RGS6: variants seen among roughly 807,000 people sequenced by gnomAD.
RGS6 encodes regulator of G protein signaling 6.
Under a neutral mutation model 78.5 loss-of-function variants are expected in RGS6, and 30 were observed. The observed-to-expected ratio is 0.38, with a 90% CI of 0.29 to 0.52. RGS6 has a LOEUF of 0.52. Ranked by LOEUF, RGS6 falls within the 20% of genes least tolerant of loss-of-function variation. The pLI, the probability that RGS6 is intolerant of heterozygous loss-of-function variation, is 0.85. For missense variants in RGS6, 495 were observed against 609.7 expected (o/e 0.81, Z 1.98); for synonymous variants, 206 against 206.0 (o/e 1.00, Z 0.00).
intron 2 of RGS6, among the ~76,000 whole-genome samples, chr14:72,218,999 G>A (rs1239734301): frequency 6.6e-6 from 1 of 151,576 alleles, no homozygotes; most frequent in African/African-American, 2.4e-5. Flanking sequence ...TCTAACACAT[G>A]GACTTTCTCT....
chr14:72,218,849 A>T (rs1003579174), intron 2 of RGS6, among the ~76,000 whole-genome samples: 2 of 151,960 alleles, frequency 1.3e-5, no homozygotes, highest in Admixed American at 1.3e-4. Context: ...TGACCTCATG[A>T]TCCACCCACC....
At chr14:71,883,014 A>G in the RGS6 span, among the ~76,000 whole-genome samples, 4 of 152,160 alleles carry the variant, frequency 2.6e-5, no homozygotes, top group African/African-American at 9.7e-5. Context: ...TTGACTTCCT[A>G]GAGAGGCTGA....
At chr14:72,402,718 A>G (rs1252929685) in intron 3 of RGS6, among the ~76,000 whole-genome samples, 5 of 151,958 alleles carry the variant, frequency 3.3e-5, no homozygotes, top group Admixed American at 3.3e-4. Flanking sequence ...ACTAAAATAG[A>G]ACTACCATAC....
intron 3 of RGS6, among the ~76,000 whole-genome samples, chr14:72,402,059 G>A (rs2092457831): frequency 6.6e-6 from 1 of 152,218 alleles, no homozygotes; most frequent in African/African-American, 2.4e-5. Flanking sequence ...TCTCAATGGT[G>A]GAGCCCAGCC....
chr14:71,989,148 C>T (rs971697022), intron 2 of RGS6, among the ~76,000 whole-genome samples: 5 of 152,204 alleles, frequency 3.3e-5, no homozygotes, highest in Admixed American at 2.6e-4. Flanking sequence ...GCTTTGGGCA[C>T]GTGAATTGCT....
chr14:72,324,586 A>G (rs1567756723), intron 2 of RGS6, among the ~76,000 whole-genome samples: 2 of 151,828 alleles, frequency 1.3e-5, no homozygotes, highest in African/African-American at 2.4e-5. Flanking sequence ...ATTCCCACCT[A>G]TGAGTGAGAA....
At chr14:72,257,192 G>A (rs1198440936) in intron 2 of RGS6, among the ~76,000 whole-genome samples, 2 of 152,146 alleles carry the variant, frequency 1.3e-5, no homozygotes, top group African/African-American at 4.8e-5. Flanking sequence ...AAGAAGAGTA[G>A]TTTTTGAGCC....
At chr14:72,182,089 T>A (rs1360137758) in intron 2 of RGS6, among the ~76,000 whole-genome samples, 2 of 152,186 alleles carry the variant, frequency 1.3e-5, no homozygotes, top group African/African-American at 4.8e-5. Context: ...GGTGTGAGGT[T>A]TTTTTTCTCA....
intron 2 of RGS6, among the ~76,000 whole-genome samples, chr14:72,062,908 C>T (rs2093962908): frequency 6.6e-6 from 1 of 152,108 alleles, no homozygotes; most frequent in Admixed American, 6.5e-5. Context: ...CTCACTGCAC[C>T]CTCTGCCACC....
At position 72,516,552 on chromosome 14, in the gene RGS6, A is replaced by G. The variant is rs565507922; in HGVS notation, c.1092-1799A>G. ...GGAAGGGCAGGGGACACCAGATGGCAGCAGCAAGAGCTGGGCGGCAGCATC... is the reference window on the plus strand; with the variant it reads ...GGAAGGGCAGGGGACACCAGATGGCGGCAGCAAGAGCTGGGCGGCAGCATC... On this transcript the variant is annotated intron_variant, in intron 14 of 17. Coordinates refer to ENST00000553525, the MANE Select transcript of RGS6 (RefSeq NM_001204424.2). Among the ~76,000 whole-genome samples the G allele has an allele frequency of 1.7e-4, 26 of 152,346 alleles. No individual in the cohort carries two copies. In the South Asian group the frequency reaches 5.2e-3, roughly 30 times the overall value.
At chr14:72,473,176 GCTCA>G in intron 9 of RGS6, among the ~76,000 whole-genome samples, 1 of 152,224 alleles carries the variant, frequency 6.6e-6, no homozygotes, top group East Asian at 1.9e-4. Flanking sequence ...GGGCATGGCG[GCTCA>G]CGCCTGTAAT....
intron 13 of RGS6, among the ~76,000 whole-genome samples, chr14:72,496,654 A>G (rs1016219710): frequency 1.3e-5 from 2 of 152,230 alleles, no homozygotes; most frequent in African/African-American, 2.4e-5. Context: ...GATTGGTCCT[A>G]GCCATAATAA....
In RGS6 at chr14:72,152,831, C is replaced by T. The variant is rs115970985; in HGVS notation, c.84+187956C>T. Among the ~76,000 whole-genome samples the T allele has an allele frequency of 2.6e-3, 393 of 151,998 alleles. 3 individuals carry two copies. The highest frequency in any genetic ancestry group is 9.1e-3 in the African/African-American group (377 of 41,442). On this transcript the variant is annotated intron_variant, in intron 2 of 17. Transcript: ENST00000553525. ...AGCTAACATCTGGGTCCTTGTCACA[C>T]GGCTATGAAATATTAGGCTTACAGA...
chr14:71,989,493 G>A (rs2094864259), intron 2 of RGS6, among the ~76,000 whole-genome samples: 1 of 152,242 alleles, frequency 6.6e-6, no homozygotes, highest in Non-Finnish European at 1.5e-5. Flanking sequence ...CATCCTGCAT[G>A]TTATATTTGT....
At position 72,292,611 on chromosome 14, in the gene RGS6, G is replaced by T. The variant is rs148092358; in HGVS notation, c.85-59484G>T. ...CCCTCTACTGGGTATTTTCAAAACTGCAGGGTTCTGCAGGCCTGACCTGCT... is the reference window on the plus strand; with the variant it reads ...CCCTCTACTGGGTATTTTCAAAACTTCAGGGTTCTGCAGGCCTGACCTGCT... On this transcript the variant is annotated intron_variant, in intron 2 of 17. Coordinates refer to ENST00000553525, the MANE Select transcript of RGS6 (RefSeq NM_001204424.2). 3.1e-3 allele frequency among the ~76,000 whole-genome samples: 469 copies of T among 152,318 alleles called. 1 individual carries two copies. Among genetic ancestry groups the T allele is most frequent in the African/African-American group, 0.011 (452 of 41,568 alleles).
chr14:72,096,001 G>A (rs1366751863), intron 2 of RGS6, among the ~76,000 whole-genome samples: 2 of 152,200 alleles, frequency 1.3e-5, no homozygotes, highest in Non-Finnish European at 2.9e-5. Flanking sequence ...GGGTGCAGTG[G>A]CTCACGCCTG....
chr14:72,105,141 T>C (rs2095607571), intron 2 of RGS6, among the ~76,000 whole-genome samples: 1 of 152,142 alleles, frequency 6.6e-6, no homozygotes, highest in Admixed American at 6.5e-5. Flanking sequence ...CAGCCAGTAA[T>C]ATAGGGAGGG....
Position 72,221,102 on chromosome 14 carries a change from A to G in RGS6, c.85-130993A>G, listed in dbSNP as rs936096868. Among the ~76,000 whole-genome samples, 4 of 152,290 alleles carry G rather than the reference A, an allele frequency of 2.6e-5. 1 individual carries two copies. In the South Asian group the frequency reaches 8.3e-4, roughly 32 times the overall value. Reference sequence around the variant, plus strand: ...CCTATCTTATTACCTCTACTTATCTATTTGAAGTCAGATCCCAGTGTGTCC... The same window carrying G: ...CCTATCTTATTACCTCTACTTATCTGTTTGAAGTCAGATCCCAGTGTGTCC... On this transcript the variant is annotated intron_variant, in intron 2 of 17. Coordinates refer to ENST00000553525, the MANE Select transcript of RGS6 (RefSeq NM_001204424.2).
At chr14:72,119,346 T>C (rs1255707737) in intron 2 of RGS6, among the ~76,000 whole-genome samples, 1 of 152,180 alleles carries the variant, frequency 6.6e-6, no homozygotes, top group East Asian at 1.9e-4. Flanking sequence ...TTGAGTTTCA[T>C]AGGAAACCAT....
Sources: gnomAD v4.1 joint callset for allele counts (sites outside exome capture counted in the v4.1 genomes callset) on GRCh38, gnomAD v4.1.1 for gene constraint, MANE v1.5 for transcripts, NCBI Gene and HGNC (gene_info 2026-07-23, HGNC 2026-07-21) for gene names.